HSCB: variants seen among roughly 807,000 people sequenced by gnomAD.
HSCB encodes iron-sulfur cluster co-chaperone protein HscB.
In HSCB, 23 loss-of-function variants were observed where a neutral mutation model predicts 31.3. The observed-to-expected ratio is 0.74, with a 90% CI of 0.53 to 1.04. The LOEUF (loss-of-function observed/expected upper bound fraction) is 1.04. HSCB is among the 50% of genes least tolerant of loss of function. The pLI is 0.00. For synonymous variants in HSCB, 110 were observed against 104.5 expected, an observed-to-expected ratio of 1.05 and a Z score of -0.32; for missense variants, 297 against 288.1, an observed-to-expected ratio of 1.03 and a Z score of -0.22.
chr22:28,747,803 T>C (rs1296251029), intron 4 of HSCB, among the ~76,000 whole-genome samples: 1 of 152,196 alleles, frequency 6.6e-6, no homozygotes, highest in East Asian at 1.9e-4. Flanking sequence ...CAAGAAAGAC[T>C]GTGCCTTCTT....
chr22:28,755,688 A>G (rs960463356), intron 5 of HSCB, among the ~76,000 whole-genome samples: 6 of 152,234 alleles, frequency 3.9e-5, no homozygotes, highest in Admixed American at 1.3e-4. Flanking sequence ...GAATGATGCA[A>G]ATGGTTATAA....
chr22:28,756,700 C>G (rs976690582), intron 5 of HSCB, among the ~76,000 whole-genome samples: 6 of 151,558 alleles, frequency 4.0e-5, no homozygotes, highest in African/African-American at 1.2e-4. Context: ...TGCTTTGTTG[C>G]CCAGGCTGGT....
chr22:28,753,995 T>C (rs964072427), intron 5 of HSCB, among the ~76,000 whole-genome samples: 1 of 151,642 alleles, frequency 6.6e-6, no homozygotes, highest in Non-Finnish European at 1.5e-5. Context: ...TAGCTGGGTG[T>C]GGTGGCAGAT....
intron 3 of HSCB, 122 bp downstream of exon 3, chr22:28,744,826 T>C: frequency 1.3e-6 from 1 of 771,360 alleles, no homozygotes; most frequent in Non-Finnish European, 2.3e-6. Flanking sequence ...CTCACACCTG[T>C]AATCCCAGAA....
At chr22:28,752,610 T>G (rs1048004864) in intron 5 of HSCB, among the ~76,000 whole-genome samples, 1 of 151,056 alleles carries the variant, frequency 6.6e-6, no homozygotes, top group East Asian at 1.9e-4. Context: ...GGTGACCGTC[T>G]GTAGTCCCAG....
At chr22:28,746,402 A>G (rs888880967) in intron 4 of HSCB, among the ~76,000 whole-genome samples, 17 of 137,756 alleles carry the variant, frequency 1.2e-4, no homozygotes, top group African/African-American at 4.0e-4. Context: ...AAAAAAAAAA[A>G]GGTTATTTAT....
intron 3 of HSCB, chr22:28,745,563 C>A: frequency 1.1e-5 from 2 of 185,178 alleles, no homozygotes; most frequent in Non-Finnish European, 2.2e-5. Context: ...AAAAAAGTAT[C>A]TTACAATCTA....
chr22:28,752,042 G>T (rs2030291856), intron 5 of HSCB, among the ~76,000 whole-genome samples: 1 of 151,900 alleles, frequency 6.6e-6, no homozygotes. Flanking sequence ...AGTGAGCCAA[G>T]ATCACGCCAC....
rs2054654669 is a variant in HSCB at position 28,744,678 on chromosome 22, G to GC, written c.403dup (p.Leu135ProfsTer17). On this transcript the variant is annotated frameshift_variant, in exon 3 of 6. Coordinates refer to ENST00000216027, the MANE Select transcript of HSCB (RefSeq NM_172002.5). LOFTEE classifies it high-confidence loss of function. ...GAATGATGCCTATAAGACCCTCCTG[G>GC]CCCCCCTGAGCAGAGGACTGTACCT... The GC allele has an allele frequency of 5.0e-6, 8 of 1,613,680 alleles. No homozygotes were observed. Among genetic ancestry groups the GC allele is most frequent in the Non-Finnish European group, 6.8e-6 (8 of 1,179,638 alleles).
Position 28,757,244 on chromosome 22 carries a change from T to C in HSCB, c.*75T>C, listed in dbSNP as rs1025990998. Reference sequence around the variant, plus strand: ...GCTCACACCTGTAATCCCAGCACTTTGGGAGGCTGAGGTGGGTGGATGACA... The same window carrying C: ...GCTCACACCTGTAATCCCAGCACTTCGGGAGGCTGAGGTGGGTGGATGACA... On this transcript the variant is annotated 3_prime_UTR_variant, in exon 6 of 6. Transcript: ENST00000216027. The C allele has an allele frequency of 2.6e-6, 2 of 765,776 alleles. No homozygotes were observed. The highest frequency in any genetic ancestry group is 2.2e-6 in the Non-Finnish European group (1 of 447,102). The allele number at this position is 765,776 out of a possible 1,614,324, so 47.4% of individuals were successfully genotyped here.
chr22:28,744,603 C>G lies in HSCB; in HGVS notation c.334-12C>G, dbSNP rs2054653031. ...TGGATGGTAATAGTACTATCTTCAT[C>G]TCCACTAACAGACTGAAAAGGACTT... On this transcript the variant is annotated splice_polypyrimidine_tract_variant and intron_variant, in intron 2 of 5. Transcript: ENST00000216027. 8 of 1,580,340 alleles carry G rather than the reference C, an allele frequency of 5.1e-6. No individual in the cohort carries two copies. Among genetic ancestry groups the G allele is most frequent in the Non-Finnish European group, 6.1e-6 (7 of 1,149,344 alleles).
chr22:28,749,927 T>A (rs2030097745), intron 4 of HSCB, among the ~76,000 whole-genome samples: 1 of 151,990 alleles, frequency 6.6e-6, no homozygotes, highest in African/African-American at 2.4e-5. Flanking sequence ...GTTGTGGGGA[T>A]CAAGTTAAAT....
chr22:28,755,550 T>C (rs2030549538), intron 5 of HSCB, among the ~76,000 whole-genome samples: 4 of 152,208 alleles, frequency 2.6e-5, no homozygotes, highest in Admixed American at 2.6e-4. Context: ...TCCCTTGCTT[T>C]TCTTGATAGT....
In HSCB at chr22:28,742,359, C is replaced by T. The variant is rs749036472; in HGVS notation, c.236+28C>T. On this transcript the variant is annotated intron_variant, in intron 1 of 5. Transcript: ENST00000216027. ...ACGAGCGACGGTTTCGGGAAACGGG[C>T]CCGGGCGAGAGACACGTCGAGGTCT... 1.6e-5 allele frequency: 25 copies of T among 1,605,870 alleles called. No homozygotes were observed. In the Admixed American group the frequency reaches 4.2e-4, roughly 27 times the overall value.
chr22:28,751,271 G>A lies in HSCB; in HGVS notation c.599G>A (p.Ser200Asn). The stretch of plus-strand genomic sequence containing the variant: ...CAGAAAGAATTTACTGACAATGTGA[G>A]CAGTGCTTTTGAACAAGGTACTTTC... Reference protein sequence around the residue: ...AKQKEFTDNVSSAFEQDDFEE... With the variant: ...AKQKEFTDNVNSAFEQDDFEE... The change falls in exon 5 of 6, where the codon AGC becomes AAC. Residue 200 changes from serine to asparagine, a missense_variant. Coordinates refer to ENST00000216027, the MANE Select transcript of HSCB (RefSeq NM_172002.5). 6.2e-7 allele frequency: 1 copy of A among 1,600,338 alleles called. No individual in the cohort carries two copies. The highest frequency in any genetic ancestry group is 1.1e-5 in the South Asian group (1 of 88,638).
Position 28,744,583 on chromosome 22 carries a change from G to A in HSCB, c.334-32G>A, listed in dbSNP as rs375524302. ...AACAAAAAAACTTTGTGATTTGGATGGTAATAGTACTATCTTCATCTCCAC... is the reference window on the plus strand; with the variant it reads ...AACAAAAAAACTTTGTGATTTGGATAGTAATAGTACTATCTTCATCTCCAC... On this transcript the variant is annotated intron_variant, in intron 2 of 5. Coordinates refer to ENST00000216027, the MANE Select transcript of HSCB (RefSeq NM_172002.5). 2.7e-6 allele frequency: 4 copies of A among 1,454,868 alleles called. No homozygotes were observed. In the African/African-American group the frequency reaches 4.2e-5, roughly 15 times the overall value. The allele number at this position is 1,454,868 out of a possible 1,614,324, so 90.1% of individuals were successfully genotyped here.
At chr22:28,751,598 A>T (rs1236744695) in intron 5 of HSCB, among the ~76,000 whole-genome samples, 1 of 152,074 alleles carries the variant, frequency 6.6e-6, no homozygotes, top group Admixed American at 6.6e-5. Context: ...ATACAAAATT[A>T]ACTGGGTGTG....
chr22:28,750,260 A>C (rs1375076613), intron 4 of HSCB, among the ~76,000 whole-genome samples: 3 of 151,210 alleles, frequency 2.0e-5, no homozygotes, highest in Admixed American at 6.6e-5. Flanking sequence ...AAAAAAAAAA[A>C]AAAAAAAAAA....
intron 1 of HSCB, chr22:28,742,532 G>T: frequency 1.1e-6 from 1 of 949,308 alleles, no homozygotes; most frequent in Non-Finnish European, 1.5e-6. Context: ...GCAACGTTGA[G>T]GTGTGGAGAA....
Sources: allele counts gnomAD v4.1 joint callset (sites outside exome capture counted in the v4.1 genomes callset), GRCh38; gene constraint gnomAD v4.1.1; transcripts MANE v1.5; gene names NCBI Gene and HGNC (gene_info 2026-07-23, HGNC 2026-07-21).